LRP1B: variants seen among roughly 807,000 people sequenced by gnomAD.
LRP1B encodes the protein low-density lipoprotein receptor-related protein 1B.
LRP1B carries 217 observed loss-of-function variants against 556.6 expected under a neutral mutation model. The observed-to-expected ratio is 0.39, with a 90% CI of 0.35 to 0.44. The LOEUF is 0.44. Ranked by LOEUF, LRP1B falls within the 20% of genes least tolerant of loss-of-function variation. The probability of loss-of-function intolerance (pLI) is 1.00; values close to 1 mark genes in which losing one functional copy is unlikely to be tolerated. For synonymous variants in LRP1B, 2,047 were observed against 1,865.8 expected (o/e 1.10, Z -2.50); for missense variants, 5,053 against 5,620.8 (o/e 0.90, Z 3.23).
intron 2 of LRP1B, among the ~76,000 whole-genome samples, chr2:141,610,468 A>G (rs1688071165): frequency 6.6e-6 from 1 of 151,906 alleles, no homozygotes; most frequent in African/African-American, 2.4e-5. Flanking sequence ...CTCTCCACCT[A>G]CAGCCCCCTT....
chr2:140,383,911 G>A (rs1222191159), intron 67 of LRP1B, among the ~76,000 whole-genome samples: 1 of 152,152 alleles, frequency 6.6e-6, no homozygotes, highest in Non-Finnish European at 1.5e-5. Flanking sequence ...AGGGCACTGT[G>A]GCTACAGTGA....
intron 7 of LRP1B, among the ~76,000 whole-genome samples, chr2:141,107,068 G>T (rs1050076969): frequency 6.7e-6 from 1 of 150,186 alleles, no homozygotes; most frequent in Non-Finnish European, 1.5e-5. Context: ...CTTTTAAATT[G>T]TATTCAATCA....
At chr2:140,373,199 AAAGAC>A (rs1683070383) in intron 68 of LRP1B, 62 bp from the exon 69 acceptor site, 8 of 1,414,968 alleles carry the variant, frequency 5.7e-6, no homozygotes, top group Middle Eastern at 1.8e-4. Flanking sequence ...TACACACTCA[AAAGAC>A]AAGAAAACTT....
chr2:140,636,595 A>G (rs1174861097), intron 41 of LRP1B, among the ~76,000 whole-genome samples: 1 of 152,168 alleles, frequency 6.6e-6, no homozygotes, highest in Non-Finnish European at 1.5e-5. Flanking sequence ...CTCAGTCACT[A>G]TATTGTACTT....
intron 71 of LRP1B, among the ~76,000 whole-genome samples, chr2:140,367,829 C>G (rs181623383): frequency 6.6e-6 from 1 of 151,648 alleles, no homozygotes; most frequent in African/African-American, 2.4e-5. Flanking sequence ...AATTTGTGAA[C>G]GTTTGACATT....
intron 1 of LRP1B, among the ~76,000 whole-genome samples, chr2:142,098,379 TA>T (rs1398119186): frequency 2.6e-5 from 4 of 151,802 alleles, no homozygotes; most frequent in African/African-American, 7.2e-5. Context: ...AATGTTGCAT[TA>T]AAAATATATA....
chr2:140,614,003 C>A (rs879630499), intron 41 of LRP1B, among the ~76,000 whole-genome samples: 16 of 152,166 alleles, frequency 1.1e-4, no homozygotes, highest in Admixed American at 3.9e-4. Flanking sequence ...CTCTGTCTCC[C>A]AGTTTCTGTG....
chr2:140,771,015 A>C lies in LRP1B; in HGVS notation c.5501-9T>G. The C allele has an allele frequency of 6.4e-7, 1 of 1,555,590 alleles. No individual in the cohort carries two copies. Among genetic ancestry groups the C allele is most frequent in the Non-Finnish European group, 8.6e-7 (1 of 1,160,524 alleles). On this transcript the variant is annotated splice_polypyrimidine_tract_variant and intron_variant, in intron 33 of 90. Coordinates refer to ENST00000389484, the MANE Select transcript of LRP1B (RefSeq NM_018557.3). ...TTGGCAGGAATTGCTGCCTGCATAG[A>C]ATGAAAATGAAACAAATTTCTTTAA...
intron 57 of LRP1B, among the ~76,000 whole-genome samples, chr2:140,489,378 A>T (rs888599373): frequency 3.3e-5 from 5 of 152,048 alleles, no homozygotes; most frequent in Non-Finnish European, 7.4e-5. Flanking sequence ...GAATAAATGC[A>T]AGTATCTTTC....
At chr2:142,022,449 T>C (rs1351146252) in intron 1 of LRP1B, among the ~76,000 whole-genome samples, 3 of 152,020 alleles carry the variant, frequency 2.0e-5, no homozygotes, top group Non-Finnish European at 4.4e-5. Context: ...CATTGTTTAT[T>C]GTTGTTCATG....
chr2:141,392,018 G>A (rs1184206880), intron 3 of LRP1B, among the ~76,000 whole-genome samples: 1 of 152,108 alleles, frequency 6.6e-6, no homozygotes, highest in African/African-American at 2.4e-5. Flanking sequence ...AGGGGATGGA[G>A]CATATGTTTA....
chr2:141,384,218 A>G (rs1689747698), intron 3 of LRP1B, among the ~76,000 whole-genome samples: 1 of 152,148 alleles, frequency 6.6e-6, no homozygotes. Flanking sequence ...TAAAAAGTGA[A>G]AACAGGAAAA....
In LRP1B at chr2:141,926,145, G is replaced by T. The variant is rs191249967; in HGVS notation, c.83-115744C>A. On this transcript the variant is annotated intron_variant, in intron 1 of 90. Transcript: ENST00000389484. ...GTCACATTAAATGTTATTTCAACAT[G>T]CATACAGAAAATAAATACATGAAGA... is the stretch of plus-strand genomic sequence containing the variant. Among the ~76,000 whole-genome samples the T allele has an allele frequency of 4.5e-4, 69 of 152,218 alleles. No individual in the cohort carries two copies. In the Middle Eastern group the frequency reaches 0.01, roughly 23 times the overall value.
chr2:141,070,897 T>C (rs977631193), intron 7 of LRP1B, among the ~76,000 whole-genome samples: 5 of 152,024 alleles, frequency 3.3e-5, no homozygotes, highest in Non-Finnish European at 7.4e-5. Flanking sequence ...CAGGACCAGA[T>C]GGATTCACAG....
At chr2:140,466,766 C>G (rs1687565689) in intron 60 of LRP1B, among the ~76,000 whole-genome samples, 1 of 152,074 alleles carries the variant, frequency 6.6e-6, no homozygotes, top group Non-Finnish European at 1.5e-5. Context: ...TTTATTGGAA[C>G]AAATAAACTT....
intron 7 of LRP1B, among the ~76,000 whole-genome samples, chr2:141,096,683 A>AGAGAGAGAGAGAGAGAGAGAGAGAGAGG (rs1700329535): frequency 7.5e-6 from 1 of 133,622 alleles, no homozygotes. Context: ...AGAGAGAGAG[A>AGAGAGAGAGAGAGAGAGAGAGAGAGAGG]GAGAGAGAAA....
chr2:140,255,718 A>T (rs1319723491), intron 86 of LRP1B, among the ~76,000 whole-genome samples: 1 of 152,180 alleles, frequency 6.6e-6, no homozygotes, highest in Non-Finnish European at 1.5e-5. Flanking sequence ...ATGCACATAC[A>T]TATACAGAGG....
chr2:142,029,446 C>G (rs943624440), intron 1 of LRP1B, among the ~76,000 whole-genome samples: 2 of 151,816 alleles, frequency 1.3e-5, no homozygotes, highest in African/African-American at 4.8e-5. Flanking sequence ...TATCCTATTA[C>G]TAGAGTTATC....
intron 5 of LRP1B, 123 bp downstream of exon 5, chr2:141,247,103 A>G: frequency 1.8e-6 from 2 of 1,106,310 alleles, no homozygotes; most frequent in Non-Finnish European, 2.6e-6. Flanking sequence ...AGTGTATTAA[A>G]ATGAAAGCAA....
Sources: allele counts gnomAD v4.1 joint callset (sites outside exome capture counted in the v4.1 genomes callset), GRCh38; gene constraint gnomAD v4.1.1; transcripts MANE v1.5; gene names NCBI Gene and HGNC (gene_info 2026-07-23, HGNC 2026-07-21).